The following FSD1L variants were observed in gnomAD, a reference collection of about 807,000 sequenced individuals.
FSD1L encodes fibronectin type III and SPRY domain containing 1 like.
In FSD1L, 45 loss-of-function variants were observed where a neutral mutation model predicts 71.6. The ratio of observed to expected loss-of-function variants is 0.63; its 90% CI spans 0.49 to 0.81. The LOEUF is 0.81. Among genes scored for constraint, FSD1L ranks in the 30% least tolerant of loss-of-function variants. The pLI is 0.00. For missense variants in FSD1L, 561 were observed against 618.1 expected (o/e 0.91, Z 0.98); for synonymous variants, 197 against 207.2 (o/e 0.95, Z 0.42).
chr9:105,480,044 A>G (rs1254562247), intron 6 of FSD1L, among the ~76,000 whole-genome samples: 1 of 152,242 alleles, frequency 6.6e-6, no homozygotes, highest in Non-Finnish European at 1.5e-5. Context: ...TTTGGATTGC[A>G]TTAACACAGA....
At chr9:105,461,489 T>C (rs1449364030) in intron 1 of FSD1L, 31 bp from the exon 2 acceptor site, 1 of 1,142,814 alleles carries the variant, frequency 8.8e-7, no homozygotes, top group Non-Finnish European at 1.2e-6. Flanking sequence ...ATGTGGCTGC[T>C]ATTGGCTCCT....
intron 10 of FSD1L, chr9:105,530,653 A>G: frequency 1.5e-6 from 1 of 653,044 alleles, no homozygotes; most frequent in Non-Finnish European, 2.7e-6. Context: ...ATTTTTCAGA[A>G]TGCATGTTTC....
At chr9:105,503,801 C>T (rs564494723) in intron 7 of FSD1L, among the ~76,000 whole-genome samples, 63 of 152,310 alleles carry the variant, frequency 4.1e-4, no homozygotes, top group African/African-American at 1.5e-3. Context: ...CACGTTAGCT[C>T]CAAGTCAACC....
chr9:105,488,408 G>GTTTA (rs140465317), intron 7 of FSD1L, among the ~76,000 whole-genome samples: 2,393 of 152,186 alleles, frequency 0.016, 85 homozygotes, highest in African/African-American at 0.055. Context: ...ATGCGCCATG[G>GTTTA]TTTATTCATT....
At chr9:105,471,499 TTAGAAA>T (rs1380609837) in intron 4 of FSD1L, among the ~76,000 whole-genome samples, 2 of 152,074 alleles carry the variant, frequency 1.3e-5, no homozygotes, top group African/African-American at 4.8e-5. Context: ...CCATTTAGGT[TTAGAAA>T]AATACTTCCT....
At chr9:105,472,667 G>A (rs760460077) in intron 5 of FSD1L, 1 of 152,176 alleles carries the variant, frequency 6.6e-6, no homozygotes, top group Admixed American at 6.5e-5. Context: ...CCTTTGTGGA[G>A]TATGTAGTGA....
intron 5 of FSD1L, among the ~76,000 whole-genome samples, chr9:105,476,793 T>C (rs912370917): frequency 6.6e-6 from 1 of 152,220 alleles, no homozygotes; most frequent in Admixed American, 6.5e-5. Context: ...TATTTTCCAA[T>C]TTAAGACATT....
At chr9:105,450,266 A>AT (rs1219848967) in intron 1 of FSD1L, among the ~76,000 whole-genome samples, 6 of 152,226 alleles carry the variant, frequency 3.9e-5, no homozygotes, top group African/African-American at 1.4e-4. Flanking sequence ...TGAAAATAGT[A>AT]GTAGGGGTAG....
chr9:105,529,619 C>T lies in FSD1L; in HGVS notation c.1026-4874C>T, dbSNP rs544040646. On this transcript the variant is annotated intron_variant, in intron 10 of 13. Transcript: ENST00000481272. Reference sequence around the variant, plus strand: ...GGGGAACATCACACATGGGGCCTGTCGGGGTGGGGGTCTAGAGGTGGAATA... The same window carrying T: ...GGGGAACATCACACATGGGGCCTGTTGGGGTGGGGGTCTAGAGGTGGAATA... Among the ~76,000 whole-genome samples the T allele has an allele frequency of 1.7e-4, 26 of 151,586 alleles. No individual in the cohort carries two copies. In the South Asian group the frequency reaches 4.6e-3, roughly 27 times the overall value.
chr9:105,484,285 A>G (rs1832394287), intron 6 of FSD1L, 96 bp from the exon 7 acceptor site: 5 of 844,682 alleles, frequency 5.9e-6, no homozygotes, highest in Non-Finnish European at 6.6e-6. Flanking sequence ...CTCTGAAATT[A>G]TTAGTGATAT....
chr9:105,544,448 A>G (rs1836843892), intron 13 of FSD1L, among the ~76,000 whole-genome samples: 1 of 152,024 alleles, frequency 6.6e-6, no homozygotes, highest in Non-Finnish European at 1.5e-5. Flanking sequence ...CCATTTGTCA[A>G]TTTTGTCTTT....
intron 10 of FSD1L, chr9:105,523,970 A>G (rs1835344574): frequency 6.3e-7 from 1 of 1,592,220 alleles, no homozygotes; most frequent in Non-Finnish European, 8.6e-7. Flanking sequence ...TTCTTCTGGG[A>G]TCTTTGGTTT....
At chr9:105,515,627 C>A (rs1834665749) in intron 10 of FSD1L, among the ~76,000 whole-genome samples, 1 of 152,080 alleles carries the variant, frequency 6.6e-6, no homozygotes, top group African/African-American at 2.4e-5. Context: ...AGGGACAGAG[C>A]CTGAGGAACG....
intron 7 of FSD1L, among the ~76,000 whole-genome samples, chr9:105,499,377 T>A (rs751590857): frequency 2.0e-5 from 3 of 152,176 alleles, no homozygotes; most frequent in Non-Finnish European, 4.4e-5. Flanking sequence ...TTACCTTCAC[T>A]TATCCTTCTC....
At chr9:105,542,917 C>G (rs554490818) in intron 13 of FSD1L, among the ~76,000 whole-genome samples, 1 of 152,176 alleles carries the variant, frequency 6.6e-6, no homozygotes, top group Admixed American at 6.5e-5. Context: ...ATTTTTTTCC[C>G]TATTATGGGT....
chr9:105,476,864 A>G (rs1831838428), intron 5 of FSD1L, among the ~76,000 whole-genome samples: 7 of 152,186 alleles, frequency 4.6e-5, no homozygotes, highest in Admixed American at 3.9e-4. Context: ...CCTTCTAATC[A>G]TTGCTCAGAA....
At chr9:105,501,179 A>T (rs1259915953) in intron 7 of FSD1L, among the ~76,000 whole-genome samples, 1 of 152,126 alleles carries the variant, frequency 6.6e-6, no homozygotes, top group East Asian at 1.9e-4. Context: ...GCACTGCCTT[A>T]TTTATAAAAG....
At chr9:105,518,469 C>G (rs949626002) in intron 10 of FSD1L, among the ~76,000 whole-genome samples, 1 of 152,204 alleles carries the variant, frequency 6.6e-6, no homozygotes, top group African/African-American at 2.4e-5. Flanking sequence ...GTCTCTCAGA[C>G]CACAGTGCAA....
chr9:105,507,515 G>A (rs1409238418), intron 8 of FSD1L, among the ~76,000 whole-genome samples: 1 of 152,102 alleles, frequency 6.6e-6, no homozygotes, highest in Non-Finnish European at 1.5e-5. Context: ...TATTATTTCT[G>A]TTCTACAGCT....
Sources: allele counts gnomAD v4.1 joint callset (sites outside exome capture counted in the v4.1 genomes callset), GRCh38; gene constraint gnomAD v4.1.1; transcripts MANE v1.5; gene names NCBI Gene and HGNC (gene_info 2026-07-23, HGNC 2026-07-21).